GFOD1: variants seen among roughly 807,000 people sequenced by gnomAD.
GFOD1 encodes the protein Gfo/Idh/MocA-like oxidoreductase domain containing 1.
A neutral mutation model predicts 25.4 loss-of-function variants in GFOD1; 9 were observed. The observed-to-expected ratio is 0.35, with a 90% CI of 0.21 to 0.62. GFOD1 has a LOEUF of 0.62. GFOD1 is among the 20% of genes least tolerant of loss of function. The probability of loss-of-function intolerance (pLI) is 0.72; values close to 1 mark genes in which losing one functional copy is unlikely to be tolerated. For synonymous variants in GFOD1, 253 were observed against 245.6 expected (o/e 1.03, Z -0.28); for missense variants, 403 against 556.9 (o/e 0.72, Z 2.78).
rs1554201905 is a variant in GFOD1, at chr6:13,409,172, AG to A, written c.254-43511del. 1.6e-3 allele frequency among the ~76,000 whole-genome samples: 86 copies of A among 53,238 alleles called. 6 individuals are homozygous for A. Among genetic ancestry groups the A allele is most frequent in the Middle Eastern group, 7.5e-3 (1 of 134 alleles). The allele number at this position is 53,238 out of a possible 152,430, so 34.9% of individuals were successfully genotyped here. ...AAGAGAGGAAAGAAAGAAAGGAAAG[AG>A]AGAGAGAGAGAGAAAGAAAGAAAGA... is the stretch of plus-strand genomic sequence containing the variant. On this transcript the variant is annotated intron_variant, in intron 1 of 1. Transcript: ENST00000379287.
At chr6:13,444,318 T>C (rs1370455223) in intron 1 of GFOD1, among the ~76,000 whole-genome samples, 1 of 151,102 alleles carries the variant, frequency 6.6e-6, no homozygotes, top group Non-Finnish European at 1.5e-5. Context: ...TGAGAATTCA[T>C]GGACACAAAG....
At chr6:13,386,664 C>T (rs1410888844) in intron 1 of GFOD1, among the ~76,000 whole-genome samples, 1 of 152,158 alleles carries the variant, frequency 6.6e-6, no homozygotes, top group Non-Finnish European at 1.5e-5. Flanking sequence ...CAACACACAC[C>T]TTTACTTTCA....
chr6:13,487,268 T>G lies in GFOD1; in HGVS notation c.-378A>C. 3 of 204,302 alleles carry G rather than the reference T, an allele frequency of 1.5e-5. No homozygotes were observed. Among genetic ancestry groups the G allele is most frequent in the East Asian group, 1.2e-4 (1 of 8,674 alleles). The allele number at this position is 204,302 out of a possible 1,614,324, so 12.7% of individuals were successfully genotyped here. A position where few individuals can be genotyped will look rare whatever the true frequency, so the allele number is the denominator to read the frequency against. ...CCAAGGCCGCTCCATGGCCGGCTCATCCCCGCGGCCGCGCCGCCGCAGCCC... is the reference window on the plus strand; with the variant it reads ...CCAAGGCCGCTCCATGGCCGGCTCAGCCCCGCGGCCGCGCCGCCGCAGCCC... On this transcript the variant is annotated 5_prime_UTR_variant, in exon 1 of 2. It removes an upstream start codon present in the reference 5' UTR. Coordinates refer to ENST00000379287, the MANE Select transcript of GFOD1 (RefSeq NM_018988.4). This position sits in a 1 kb window ranked among gnomAD's most constrained non-coding sequence, Gnocchi z 4.9.
chr6:13,462,282 G>A (rs984412382), intron 1 of GFOD1, among the ~76,000 whole-genome samples: 5 of 152,132 alleles, frequency 3.3e-5, no homozygotes, highest in Non-Finnish European at 4.4e-5. Context: ...CAAGGACCTC[G>A]CAACCTTGGA....
In GFOD1 at chr6:13,360,978, C is replaced by T. The variant is rs575714243; in HGVS notation, c.*3765G>A. 7.2e-4 allele frequency: 290 copies of T among 401,570 alleles called. 4 individuals are homozygous for T. The highest frequency in any genetic ancestry group is 5.1e-3 in the South Asian group (281 of 55,096). 24.9% of individuals were successfully genotyped at this position (401,570 alleles called of 1,614,324 possible). A position where few individuals can be genotyped will look rare whatever the true frequency, so the allele number is the denominator to read the frequency against. On this transcript the variant is annotated 3_prime_UTR_variant, in exon 2 of 2. Coordinates refer to ENST00000379287, the MANE Select transcript of GFOD1 (RefSeq NM_018988.4). ...TTTGAACAAGTTCCTCTTCCTCTTA[C>T]TGCCTCCATTTTCTCATGTGTATAA...
intron 1 of GFOD1, among the ~76,000 whole-genome samples, chr6:13,419,796 G>A (rs1242655326): frequency 1.3e-5 from 2 of 152,120 alleles, no homozygotes; most frequent in East Asian, 1.9e-4. Flanking sequence ...GAAACCTGCT[G>A]TCCGTAAATG....
intron 1 of GFOD1, among the ~76,000 whole-genome samples, chr6:13,440,476 C>T (rs1757897515): frequency 6.6e-6 from 1 of 152,188 alleles, no homozygotes; most frequent in Admixed American, 6.5e-5. Context: ...CAGGCATGAG[C>T]CACCGTGTGT....
At position 13,365,101 on chromosome 6, in the gene GFOD1, G is replaced by A; in HGVS notation, c.815C>T (p.Ala272Val). The change falls in exon 2 of 2, where the codon GCC becomes GTC. Residue 272 changes from alanine to valine, a missense_variant. Physicochemically the swap from Ala to Val is moderately conservative, Grantham distance 64 (BLOSUM62 0). Transcript: ENST00000379287. The surrounding 1 kb of genome is among the most constrained non-coding windows in gnomAD (Gnocchi z 9.2). ...CTGCACCAGCAGCTCCTGCTCCGGG[G>A]CGCTGTTGCGCTGCCCGTACAGGTC... The part of the protein sequence containing the change: ...GTDLYGQRNS[A>V]PEQELLVQDA... 6.2e-7 allele frequency: 1 copy of A among 1,612,446 alleles called. No individual in the cohort carries two copies. The highest frequency in any genetic ancestry group is 1.1e-5 in the South Asian group (1 of 91,044).
At chr6:13,478,221 C>T (rs1430244923) in intron 1 of GFOD1, among the ~76,000 whole-genome samples, 1 of 152,116 alleles carries the variant, frequency 6.6e-6, no homozygotes, top group Admixed American at 6.5e-5. Context: ...CTTACTGCAA[C>T]CTCCACCTCC....
intron 1 of GFOD1, among the ~76,000 whole-genome samples, chr6:13,409,904 C>T (rs1264722460): frequency 1.4e-4 from 7 of 51,300 alleles, no homozygotes; most frequent in Non-Finnish European, 3.4e-4. Flanking sequence ...GCCTGGGCGA[C>T]AGAGCGGGGC....
chr6:13,394,973 G>C lies in GFOD1; in HGVS notation c.254-29311C>G, dbSNP rs572228433. On this transcript the variant is annotated intron_variant, in intron 1 of 1. Transcript: ENST00000379287. ...ATTTTTAAAAAATTTTGTAGAGATA[G>C]GGTCTCACTGTGTTTCCCTGGCTGG... is the stretch of plus-strand genomic sequence containing the variant. 4.6e-5 allele frequency among the ~76,000 whole-genome samples: 7 copies of C among 152,144 alleles called. No individual in the cohort carries two copies. In the South Asian group the frequency reaches 8.3e-4, roughly 18 times the overall value.
At chr6:13,452,761 C>T (rs1484715839) in intron 1 of GFOD1, among the ~76,000 whole-genome samples, 1 of 149,992 alleles carries the variant, frequency 6.7e-6, no homozygotes, top group Non-Finnish European at 1.5e-5. Flanking sequence ...AGCTTCTTCA[C>T]TCTGTATGAC....
intron 1 of GFOD1, among the ~76,000 whole-genome samples, chr6:13,393,421 C>G (rs1489615835): frequency 3.4e-5 from 5 of 147,034 alleles, no homozygotes; most frequent in South Asian, 2.2e-4. Context: ...GGGACAGAAG[C>G]CTTTATAGTC....
intron 1 of GFOD1, among the ~76,000 whole-genome samples, chr6:13,385,475 G>T (rs1296834668): frequency 1.3e-5 from 2 of 152,292 alleles, no homozygotes; most frequent in East Asian, 3.9e-4. Context: ...GTTCTGCTGG[G>T]GCTGTGGACA....
chr6:13,444,783 TGAGA>T (rs1383753087), intron 1 of GFOD1, among the ~76,000 whole-genome samples: 1 of 152,182 alleles, frequency 6.6e-6, no homozygotes, highest in Non-Finnish European at 1.5e-5. Flanking sequence ...TTATATGCAC[TGAGA>T]AATATAAAAA....
chr6:13,474,688 G>A (rs182924455), intron 1 of GFOD1, among the ~76,000 whole-genome samples: 1 of 152,158 alleles, frequency 6.6e-6, no homozygotes, highest in African/African-American at 2.4e-5. Flanking sequence ...GTGCTACAGG[G>A]ATTCAAAAGG....
intron 1 of GFOD1, among the ~76,000 whole-genome samples, chr6:13,480,474 G>A (rs1758724011): frequency 6.6e-6 from 1 of 152,188 alleles, no homozygotes; most frequent in Non-Finnish European, 1.5e-5. Context: ...CTGCCTGAGG[G>A]CTGGATAGAA....
chr6:13,444,625 A>C (rs764628609), intron 1 of GFOD1, among the ~76,000 whole-genome samples: 26 of 152,166 alleles, frequency 1.7e-4, no homozygotes, highest in Non-Finnish European at 3.1e-4. Flanking sequence ...ATTGAATTTC[A>C]ATTATTTAAT....
In GFOD1 at chr6:13,386,598, C is replaced by T. The variant is rs193097077; in HGVS notation, c.254-20936G>A. ...CAGCTGCCCACAAAGCTCTGCTCCC[C>T]AACGATCCTCATTCTGCCATTCTTC... On this transcript the variant is annotated intron_variant, in intron 1 of 1. Coordinates refer to ENST00000379287, the MANE Select transcript of GFOD1 (RefSeq NM_018988.4). Among the ~76,000 whole-genome samples the T allele has an allele frequency of 1.7e-3, 252 of 152,292 alleles. 3 individuals are homozygous for T. The highest frequency in any genetic ancestry group is 5.5e-3 in the African/African-American group (229 of 41,568).
Sources: allele counts gnomAD v4.1 joint callset (sites outside exome capture counted in the v4.1 genomes callset), GRCh38; gene constraint gnomAD v4.1.1; non-coding constraint Gnocchi (gnomAD v3.1); transcripts MANE v1.5; gene names NCBI Gene and HGNC (gene_info 2026-07-23, HGNC 2026-07-21).